UBASH3B: variants seen among roughly 807,000 people sequenced by gnomAD.
UBASH3B encodes ubiquitin associated and SH3 domain containing B.
Under a neutral mutation model 83.4 loss-of-function variants are expected in UBASH3B, and 37 were observed. The ratio of observed to expected loss-of-function variants is 0.44; its 90% CI spans 0.34 to 0.58. The LOEUF (loss-of-function observed/expected upper bound fraction) is 0.58. Ranked by LOEUF, UBASH3B falls within the 20% of genes least tolerant of loss-of-function variation. The pLI is 0.01. For synonymous variants in UBASH3B, 304 were observed against 318.3 expected (o/e 0.96, Z 0.48); for missense variants, 657 against 827.2 (o/e 0.79, Z 2.52).
At chr11:122,709,764 G>A (rs1436185559) in intron 1 of UBASH3B, among the ~76,000 whole-genome samples, 1 of 152,172 alleles carries the variant, frequency 6.6e-6, no homozygotes, top group Non-Finnish European at 1.5e-5. Context: ...CTAGAGTTCT[G>A]GAAGAGATTA....
chr11:122,729,319 G>A (rs554613248), intron 1 of UBASH3B, among the ~76,000 whole-genome samples: 11 of 152,148 alleles, frequency 7.2e-5, no homozygotes, highest in Non-Finnish European at 1.3e-4. Context: ...GATGCCACGC[G>A]GTTCTTGTTG....
In UBASH3B at chr11:122,783,206, G is replaced by A. The variant is rs763163632; in HGVS notation, c.755G>A (p.Arg252Gln). 15 of 1,613,738 alleles carry A rather than the reference G, an allele frequency of 9.3e-6. No homozygotes were observed. The highest frequency in any genetic ancestry group is 6.7e-5 in the Admixed American group (4 of 59,972). Residue 252 changes from arginine (R) to glutamine (Q), a missense_variant, in exon 5 of 14, where the codon CGA becomes CAA. Physicochemically the swap from Arg to Gln is conservative, Grantham distance 43 (BLOSUM62 1). Transcript: ENST00000284273. ...WVATIFSRDI[R>Q]FANHETLQVI... The stretch of plus-strand genomic sequence containing the variant: ...GCTACCATATTTTCTCGGGATATCC[G>A]ATTTGCTAACCATGAGGTAATGTCT...
At chr11:122,731,517 C>T (rs1320359176) in intron 1 of UBASH3B, among the ~76,000 whole-genome samples, 1 of 146,614 alleles carries the variant, frequency 6.8e-6, no homozygotes, top group South Asian at 2.3e-4. Flanking sequence ...GTCTGATAAC[C>T]TAGATATCTA....
intron 1 of UBASH3B, among the ~76,000 whole-genome samples, chr11:122,723,923 G>T (rs976979644): frequency 2.0e-5 from 3 of 152,202 alleles, no homozygotes; most frequent in African/African-American, 7.2e-5. Context: ...TAACTTGAGA[G>T]CAGGGCTCTT....
At chr11:122,777,387 G>A (rs181966681) in intron 3 of UBASH3B, among the ~76,000 whole-genome samples, 177 bp downstream of exon 3, 119 of 152,290 alleles carry the variant, frequency 7.8e-4, no homozygotes, top group Non-Finnish European at 1.4e-3. Flanking sequence ...TCACCCCAAC[G>A]CTTCCTAGTT....
chr11:122,725,342 A>AAAAAAAG lies in UBASH3B; in HGVS notation c.162-50875_162-50874insAAAAGAA, dbSNP rs71281633. 1.8e-3 allele frequency among the ~76,000 whole-genome samples: 236 copies of AAAAAAAG among 130,812 alleles called. 8 individuals are homozygous for AAAAAAAG. The highest frequency in any genetic ancestry group is 5.0e-3 in the African/African-American group (186 of 37,188). 85.8% of individuals were successfully genotyped at this position (130,812 alleles called of 152,430 possible). A position where few individuals can be genotyped will look rare whatever the true frequency, so the allele number is the denominator to read the frequency against. On this transcript the variant is annotated intron_variant, in intron 1 of 13. Transcript: ENST00000284273. ...AGCACCATAAACAAAAAAAAAAAAA[A>AAAAAAAG]AAGAAAAGAAAAGAAACAAACTCAA...
At chr11:122,767,963 C>T (rs1268214438) in intron 1 of UBASH3B, among the ~76,000 whole-genome samples, 4 of 152,176 alleles carry the variant, frequency 2.6e-5, no homozygotes, top group Non-Finnish European at 5.9e-5. Context: ...ACATGGACCT[C>T]AGGTGCTGAA....
intron 8 of UBASH3B, 145 bp downstream of exon 8, chr11:122,796,421 G>A (rs1861158336): frequency 4.6e-6 from 6 of 1,305,886 alleles, no homozygotes; most frequent in Non-Finnish European, 6.2e-6. Flanking sequence ...CCTCCTGATT[G>A]TCTTGAGCTT....
At chr11:122,699,458 T>G (rs1864005539) in intron 1 of UBASH3B, among the ~76,000 whole-genome samples, 1 of 152,208 alleles carries the variant, frequency 6.6e-6, no homozygotes, top group Non-Finnish European at 1.5e-5. Context: ...CTTCCAAAAT[T>G]ATTGTGAGAA....
chr11:122,672,637 C>T (rs1386347256), intron 1 of UBASH3B, among the ~76,000 whole-genome samples: 5 of 152,130 alleles, frequency 3.3e-5, no homozygotes, highest in Non-Finnish European at 1.5e-5. Context: ...ATTTTGTGAA[C>T]TTTAATGAGT....
At chr11:122,680,540 C>T (rs1235170767) in intron 1 of UBASH3B, among the ~76,000 whole-genome samples, 3 of 152,138 alleles carry the variant, frequency 2.0e-5, no homozygotes, top group South Asian at 2.1e-4. Flanking sequence ...CTTGGCTCAC[C>T]GCAACCTCTG....
chr11:122,717,013 C>A (rs1055206442), intron 1 of UBASH3B, among the ~76,000 whole-genome samples: 2 of 152,112 alleles, frequency 1.3e-5, no homozygotes, highest in African/African-American at 4.8e-5. Context: ...ATAGCACAGC[C>A]GAGGCCAAGG....
intron 1 of UBASH3B, among the ~76,000 whole-genome samples, chr11:122,765,153 T>G (rs537535874): frequency 6.6e-6 from 1 of 152,266 alleles, no homozygotes; most frequent in South Asian, 2.1e-4. Context: ...ATTTTTGTCT[T>G]TGGAAGATAA....
At chr11:122,684,889 C>T (rs958438977) in intron 1 of UBASH3B, among the ~76,000 whole-genome samples, 4 of 152,168 alleles carry the variant, frequency 2.6e-5, no homozygotes, top group African/African-American at 4.8e-5. Context: ...TAAGCCACTG[C>T]GCCCAGCCTG....
At chr11:122,684,263 AT>A (rs1327061827) in intron 1 of UBASH3B, among the ~76,000 whole-genome samples, 1 of 152,224 alleles carries the variant, frequency 6.6e-6, no homozygotes, top group East Asian at 1.9e-4. Context: ...GTGAATAAGC[AT>A]TTATTGAGTA....
intron 1 of UBASH3B, among the ~76,000 whole-genome samples, chr11:122,671,755 G>A (rs769155665): frequency 8.6e-5 from 13 of 151,962 alleles, no homozygotes; most frequent in South Asian, 8.3e-4. Context: ...AAACCGCCTC[G>A]GTGAGATGGC....
chr11:122,790,438 C>T (rs1565566842), intron 6 of UBASH3B, among the ~76,000 whole-genome samples: 1 of 152,166 alleles, frequency 6.6e-6, no homozygotes, highest in Non-Finnish European at 1.5e-5. Flanking sequence ...GTTCCCCAAA[C>T]ATTTTGCTTT....
intron 1 of UBASH3B, among the ~76,000 whole-genome samples, chr11:122,745,498 G>A (rs1861104176): frequency 6.6e-6 from 1 of 152,214 alleles, no homozygotes; most frequent in Non-Finnish European, 1.5e-5. Flanking sequence ...GAAAATCTTG[G>A]ATGAAAGAAT....
At position 122,721,382 on chromosome 11, in the gene UBASH3B, G is replaced by A. The variant is rs1050564444; in HGVS notation, c.162-54837G>A. On this transcript the variant is annotated intron_variant, in intron 1 of 13. Coordinates refer to ENST00000284273, the MANE Select transcript of UBASH3B (RefSeq NM_032873.5). ...ATCTTCCACAGCACTACGGGGGGGT[G>A]GGAGTGGGAATGTGGTGGCTGGGAG... 5.3e-5 allele frequency among the ~76,000 whole-genome samples: 8 copies of A among 152,224 alleles called. No individual in the cohort carries two copies. In the East Asian group the frequency reaches 1.4e-3, roughly 26 times the overall value.
Sources: gnomAD v4.1 joint callset for allele counts (sites outside exome capture counted in the v4.1 genomes callset) on GRCh38, gnomAD v4.1.1 for gene constraint, MANE v1.5 for transcripts, NCBI Gene and HGNC (gene_info 2026-07-23, HGNC 2026-07-21) for gene names.